Variants in CRTAC1 observed in about 807,000 individuals in gnomAD.
CRTAC1 encodes cartilage acidic protein 1.
Under a neutral mutation model 67.8 loss-of-function variants are expected in CRTAC1, and 37 were observed. The observed-to-expected ratio is 0.55, with a 90% CI of 0.42 to 0.72. The LOEUF is 0.72. Among genes scored for constraint, CRTAC1 ranks in the 30% least tolerant of loss-of-function variants. The pLI, the probability that CRTAC1 is intolerant of heterozygous loss-of-function variation, is 0.00. For missense variants in CRTAC1, 780 were observed against 931.6 expected (o/e 0.84, Z 2.12); for synonymous variants, 348 against 371.0 (o/e 0.94, Z 0.71).
chr10:98,007,477 TGCTTCACAACA>T (rs924641734), intron 2 of CRTAC1, among the ~76,000 whole-genome samples: 32 of 152,360 alleles, frequency 2.1e-4, no homozygotes, highest in African/African-American at 7.7e-4. Context: ...GAATTCGCAA[TGCTTCACAACA>T]GCCACAAAGA....
chr10:98,014,446 G>GA (rs1330562831), intron 1 of CRTAC1, among the ~76,000 whole-genome samples: 1 of 151,964 alleles, frequency 6.6e-6, no homozygotes, highest in African/African-American at 2.4e-5. Flanking sequence ...GGCAACAAAA[G>GA]AAAAAATAGC....
intron 2 of CRTAC1, among the ~76,000 whole-genome samples, chr10:97,992,574 A>C (rs1842482646): frequency 6.6e-6 from 1 of 152,254 alleles, no homozygotes; most frequent in Non-Finnish European, 1.5e-5. Flanking sequence ...ATGGATAAAG[A>C]AAATGTGATA....
intron 2 of CRTAC1, among the ~76,000 whole-genome samples, chr10:97,977,776 G>C (rs560284031): frequency 1.3e-5 from 2 of 152,308 alleles, no homozygotes; most frequent in South Asian, 4.1e-4. Flanking sequence ...AACTCAACAA[G>C]TTCCCTATTG....
At chr10:97,938,680 G>A (rs770358304) in intron 2 of CRTAC1, among the ~76,000 whole-genome samples, 3 of 152,170 alleles carry the variant, frequency 2.0e-5, no homozygotes, top group Non-Finnish European at 4.4e-5. Context: ...TGCAGATGGC[G>A]AAGATTATGA....
At chr10:97,944,789 T>C (rs1475745413) in intron 2 of CRTAC1, among the ~76,000 whole-genome samples, 1 of 130,198 alleles carries the variant, frequency 7.7e-6, no homozygotes, top group Non-Finnish European at 1.8e-5. Flanking sequence ...AGTTACCATA[T>C]ACAAAATTTG....
intron 11 of CRTAC1, among the ~76,000 whole-genome samples, chr10:97,886,140 G>A (rs1206029867): frequency 6.6e-6 from 1 of 152,196 alleles, no homozygotes; most frequent in Non-Finnish European, 1.5e-5. Flanking sequence ...GGGCATGGAG[G>A]AAGGGAGCCG....
chr10:97,942,670 G>T (rs560847564), intron 2 of CRTAC1, among the ~76,000 whole-genome samples: 1 of 151,576 alleles, frequency 6.6e-6, no homozygotes, highest in East Asian at 1.9e-4. Flanking sequence ...TATATAAATA[G>T]AAACATTTTT....
chr10:97,916,589 C>G (rs919962182), intron 5 of CRTAC1, among the ~76,000 whole-genome samples: 1 of 152,182 alleles, frequency 6.6e-6, no homozygotes. Context: ...GACCCCTCAA[C>G]CATCCTTCCA....
intron 14 of CRTAC1, among the ~76,000 whole-genome samples, chr10:97,872,923 G>A (rs1200383253): frequency 2.6e-5 from 4 of 152,166 alleles, no homozygotes; most frequent in Non-Finnish European, 5.9e-5. Context: ...GTCTAATATT[G>A]CCCCAGCTAA....
chr10:98,024,399 C>A (rs1843183121), intron 1 of CRTAC1, among the ~76,000 whole-genome samples: 1 of 152,198 alleles, frequency 6.6e-6, no homozygotes, highest in Admixed American at 6.5e-5. Flanking sequence ...TAATGACACA[C>A]CTTCCCATCC....
intron 2 of CRTAC1, among the ~76,000 whole-genome samples, chr10:98,009,639 A>G (rs1453972578): frequency 6.6e-6 from 1 of 152,220 alleles, no homozygotes; most frequent in Non-Finnish European, 1.5e-5. Flanking sequence ...TTTCAATTCC[A>G]AGGTCAAAGC....
intron 2 of CRTAC1, among the ~76,000 whole-genome samples, chr10:98,003,385 G>T (rs1053394325): frequency 6.6e-6 from 1 of 152,170 alleles, no homozygotes; most frequent in African/African-American, 2.4e-5. Context: ...TAAAATCAAG[G>T]TTGGCAGGGC....
intron 1 of CRTAC1, among the ~76,000 whole-genome samples, chr10:98,027,028 G>A (rs985697794): frequency 6.6e-6 from 1 of 152,108 alleles, no homozygotes; most frequent in Non-Finnish European, 1.5e-5. Flanking sequence ...TTAGCCGGGC[G>A]TAGTGGCGGG....
At position 97,896,943 on chromosome 10, in the gene CRTAC1, G is replaced by C; in HGVS notation, c.1182C>G (p.Pro394=). 1 of 1,551,826 alleles carries C rather than the reference G, an allele frequency of 6.4e-7. No individual in the cohort carries two copies. Among genetic ancestry groups the C allele is most frequent in the Non-Finnish European group, 8.7e-7 (1 of 1,145,912 alleles). The change falls in exon 9 of 15, where the codon CCC becomes CCG. Residue 394 remains proline, a synonymous_variant. Transcript: ENST00000370597. ...HGDPLIEELN[P]GDALEPEGRG... ...GGCCCTCAGGCTCCAAGGCGTCGCC[G>C]GGATTGAGCTCCTCGATGAGGGGGT...
At chr10:97,873,716 A>G (rs1412856917) in intron 14 of CRTAC1, among the ~76,000 whole-genome samples, 2 of 152,146 alleles carry the variant, frequency 1.3e-5, no homozygotes, top group Non-Finnish European at 2.9e-5. Context: ...AGCTAGCTTT[A>G]GGGGAATTAT....
At chr10:97,960,510 C>T (rs924905174) in intron 2 of CRTAC1, among the ~76,000 whole-genome samples, 3 of 152,232 alleles carry the variant, frequency 2.0e-5, no homozygotes, top group Admixed American at 6.5e-5. Flanking sequence ...AAATTAACTG[C>T]TTACATAATA....
At chr10:97,872,812 G>A (rs957534553) in intron 14 of CRTAC1, among the ~76,000 whole-genome samples, 1 of 152,284 alleles carries the variant, frequency 6.6e-6, no homozygotes, top group Admixed American at 6.5e-5. Flanking sequence ...TAGGGCTGGA[G>A]CTCTTCAAAG....
chr10:98,016,087 G>A (rs574698290), intron 1 of CRTAC1, among the ~76,000 whole-genome samples: 3 of 152,186 alleles, frequency 2.0e-5, no homozygotes, highest in African/African-American at 7.2e-5. Context: ...CAATTGACAA[G>A]GAGTGACAAA....
chr10:98,008,832 C>G (rs956584518), intron 2 of CRTAC1, among the ~76,000 whole-genome samples: 1 of 152,174 alleles, frequency 6.6e-6, no homozygotes, highest in Non-Finnish European at 1.5e-5. Flanking sequence ...CCTTGCCATT[C>G]TCTGTCCTCT....
Sources: allele counts gnomAD v4.1 joint callset (sites outside exome capture counted in the v4.1 genomes callset), GRCh38; gene constraint gnomAD v4.1.1; transcripts MANE v1.5; gene names NCBI Gene and HGNC (gene_info 2026-07-23, HGNC 2026-07-21).